Variants in MAGI1 observed in about 807,000 individuals in gnomAD.
MAGI1 encodes membrane-associated guanylate kinase, WW and PDZ domain-containing protein 1.
MAGI1 carries 58 observed loss-of-function variants against 139.9 expected under a neutral mutation model. The ratio of observed to expected loss-of-function variants is 0.41; its 90% CI spans 0.34 to 0.52. The LOEUF (loss-of-function observed/expected upper bound fraction) is 0.52. Among genes scored for constraint, MAGI1 ranks in the 20% least tolerant of loss-of-function variants. The pLI is 0.12. For synonymous variants in MAGI1, 812 were observed against 737.9 expected (o/e 1.10, Z -1.63); for missense variants, 1,874 against 1,901.6 (o/e 0.99, Z 0.27).
chr3:65,777,191 G>A (rs964282327), intron 1 of MAGI1, among the ~76,000 whole-genome samples: 4 of 152,176 alleles, frequency 2.6e-5, no homozygotes, highest in Admixed American at 6.6e-5. Flanking sequence ...CTTTTGAGAA[G>A]CAAACATACA....
intron 1 of MAGI1, among the ~76,000 whole-genome samples, chr3:65,919,445 C>T (rs2062063199): frequency 6.6e-6 from 1 of 151,880 alleles, no homozygotes; most frequent in Non-Finnish European, 1.5e-5. Context: ...CTCCTGTGGT[C>T]CCAGCTACTT....
chr3:65,717,084 CA>C (rs2032354720), intron 1 of MAGI1, among the ~76,000 whole-genome samples: 1 of 152,078 alleles, frequency 6.6e-6, no homozygotes, highest in Non-Finnish European at 1.5e-5. Context: ...TCTGGATGGG[CA>C]AATCACATGA....
intron 4 of MAGI1, among the ~76,000 whole-genome samples, chr3:65,475,379 A>G (rs1950835247): frequency 6.6e-6 from 1 of 151,814 alleles, no homozygotes; most frequent in Non-Finnish European, 1.5e-5. Context: ...ATACTCAGCT[A>G]ATTTTTGTAT....
intron 13 of MAGI1, among the ~76,000 whole-genome samples, chr3:65,393,901 G>A (rs1356924448): frequency 6.6e-6 from 1 of 152,142 alleles, no homozygotes; most frequent in African/African-American, 2.4e-5. Flanking sequence ...ACCTCCTGAA[G>A]CCTAACTCAA....
chr3:65,592,234 A>G (rs745429349), intron 2 of MAGI1, among the ~76,000 whole-genome samples: 4 of 152,226 alleles, frequency 2.6e-5, no homozygotes, highest in Non-Finnish European at 4.4e-5. Flanking sequence ...TAACAAAAGT[A>G]GGTTCCAATT....
In MAGI1 at chr3:65,889,657, C is replaced by G. The variant is rs540486946; in HGVS notation, c.313+148339G>C. On this transcript the variant is annotated intron_variant, in intron 1 of 22. Transcript: ENST00000402939. ...AGGAGTTTAACTTGGGAGGCCTTAA[C>G]ATAACAGTAAGTAACACAACAGTGA... Among the ~76,000 whole-genome samples the G allele has an allele frequency of 5.9e-5, 9 of 152,250 alleles. No individual in the cohort carries two copies. In the South Asian group the frequency reaches 1.7e-3, roughly 28 times the overall value.
At position 65,826,077 on chromosome 3, in the gene MAGI1, G is replaced by A. The variant is rs548002116; in HGVS notation, c.314-203989C>T. On this transcript the variant is annotated intron_variant, in intron 1 of 22. Coordinates refer to ENST00000402939, the MANE Select transcript of MAGI1 (RefSeq NM_001033057.2). The stretch of plus-strand genomic sequence containing the variant: ...ACCACTTTAGTAGTTGTATATATGT[G>A]TAGATGTGTATGTGCACATATATAC... Among the ~76,000 whole-genome samples, 4 of 152,080 alleles carry A rather than the reference G, an allele frequency of 2.6e-5. No homozygotes were observed. In the East Asian group the frequency reaches 7.7e-4, roughly 29 times the overall value.
chr3:65,588,898 T>C (rs2081824351), intron 2 of MAGI1, among the ~76,000 whole-genome samples: 1 of 152,108 alleles, frequency 6.6e-6, no homozygotes, highest in Admixed American at 6.6e-5. Context: ...GAAATAAATA[T>C]TTATATACCT....
intron 1 of MAGI1, among the ~76,000 whole-genome samples, chr3:65,829,895 A>G (rs756610898): frequency 1.3e-5 from 2 of 152,208 alleles, no homozygotes; most frequent in Non-Finnish European, 2.9e-5. Flanking sequence ...GGATCCCTAC[A>G]TAAACAGTTG....
At chr3:65,892,536 A>T (rs1168002312) in intron 1 of MAGI1, among the ~76,000 whole-genome samples, 1 of 152,222 alleles carries the variant, frequency 6.6e-6, no homozygotes, top group African/African-American at 2.4e-5. Flanking sequence ...AAGCAAATCT[A>T]AAGAACGTAT....
At chr3:66,023,640 A>C (rs192492160) in intron 1 of MAGI1, among the ~76,000 whole-genome samples, 2 of 152,202 alleles carry the variant, frequency 1.3e-5, no homozygotes, top group African/African-American at 4.8e-5. Flanking sequence ...TCCTGGGGTA[A>C]AGGTTAGGGT....
At chr3:65,429,458 G>T in intron 12 of MAGI1, 62 bp downstream of exon 12, 2 of 1,492,678 alleles carry the variant, frequency 1.3e-6, no homozygotes, top group Non-Finnish European at 1.8e-6. Flanking sequence ...CTGAAGATGA[G>T]TAAGTTAAGC....
intron 1 of MAGI1, among the ~76,000 whole-genome samples, chr3:65,836,044 G>C (rs2042787179): frequency 6.6e-6 from 1 of 152,152 alleles, no homozygotes; most frequent in Non-Finnish European, 1.5e-5. Context: ...GCACAAGTTT[G>C]GTGGCTTGTG....
intron 1 of MAGI1, among the ~76,000 whole-genome samples, chr3:65,970,499 T>A (rs9860517): frequency 0.14 from 21,849 of 150,708 alleles, 1,733 homozygotes; most frequent in East Asian, 0.26. Context: ...AAATTTTGTG[T>A]CAGGTATACT....
At chr3:65,853,162 G>A (rs997490505) in intron 1 of MAGI1, among the ~76,000 whole-genome samples, 5 of 151,024 alleles carry the variant, frequency 3.3e-5, no homozygotes, top group East Asian at 2.0e-4. Flanking sequence ...GCGAGACTCC[G>A]TCTCAAGAAA....
chr3:65,621,292 C>T (rs1421888250), intron 2 of MAGI1, among the ~76,000 whole-genome samples: 1 of 152,196 alleles, frequency 6.6e-6, no homozygotes, highest in African/African-American at 2.4e-5. Flanking sequence ...AACGGAGCTG[C>T]GAATTTATCC....
At position 65,699,724 on chromosome 3, in the gene MAGI1, T is replaced by C. The variant is rs1230331275; in HGVS notation, c.314-77636A>G. Among the ~76,000 whole-genome samples the C allele has an allele frequency of 9.8e-5, 9 of 92,098 alleles. No homozygotes were observed. The East Asian group carries it at 3.2e-3, about 33-fold the overall frequency. The allele number at this position is 92,098 out of a possible 152,430, so 60.4% of individuals were successfully genotyped here. The stretch of plus-strand genomic sequence containing the variant: ...GGGGAATATCACACTCTGGGGACTG[T>C]GGTGGGGTGGGGGGAGGGGGGAGGG... On this transcript the variant is annotated intron_variant, in intron 1 of 22. Transcript: ENST00000402939.
chr3:65,901,591 C>G (rs1054425314), intron 1 of MAGI1, among the ~76,000 whole-genome samples: 1 of 152,318 alleles, frequency 6.6e-6, no homozygotes, highest in South Asian at 2.1e-4. Context: ...AAATAAAGAA[C>G]TGCAACGGCA....
rs1949156844 is a variant in MAGI1 at position 65,453,272 on chromosome 3, T to C, written c.1028A>G (p.Glu343Gly). 2 of 1,613,598 alleles carry C rather than the reference T, an allele frequency of 1.2e-6. No homozygotes were observed. Among genetic ancestry groups the C allele is most frequent in the Non-Finnish European group, 1.7e-6 (2 of 1,179,914 alleles). Residue 343 changes from glutamate to glycine, a missense_variant, in exon 6 of 23, where the codon GAG becomes GGG. By Grantham distance (98) the Glu-to-Gly change is moderately conservative (BLOSUM62 -2). Coordinates refer to ENST00000402939, the MANE Select transcript of MAGI1 (RefSeq NM_001033057.2). ...TGGCCCCTTACCATCATCTTCACAC[T>C]CTTCCAGTGGCTTCTGCTGCTTGTT... ...CLNKQQKPLEECEDDEGVHTE... is the reference protein window; with the variant it reads ...CLNKQQKPLEGCEDDEGVHTE...
Sources: allele counts gnomAD v4.1 joint callset (sites outside exome capture counted in the v4.1 genomes callset), GRCh38; gene constraint gnomAD v4.1.1; transcripts MANE v1.5; gene names NCBI Gene and HGNC (gene_info 2026-07-23, HGNC 2026-07-21).